PCDHA1: variants seen among roughly 807,000 people sequenced by gnomAD.
PCDHA1 encodes the protein protocadherin alpha-1.
PCDHA1 carries 42 observed loss-of-function variants against 61.3 expected under a neutral mutation model. The ratio of observed to expected loss-of-function variants is 0.69; its 90% confidence interval spans 0.54 to 0.89. The LOEUF (loss-of-function observed/expected upper bound fraction) is 0.89, where lower values mean the gene tolerates loss of function less well. PCDHA1 is among the 40% of genes least tolerant of loss of function. PCDHA1 has a pLI of 0.00. For synonymous variants in PCDHA1, 610 were observed against 553.8 expected, an observed-to-expected ratio of 1.10 and a Z score of -1.43; for missense variants, 1,256 against 1,235.3, an observed-to-expected ratio of 1.02 and a Z score of -0.25.
intron 1 of PCDHA1, among the ~76,000 whole-genome samples, chr5:140,874,267 A>G (rs929129030): frequency 6.6e-6 from 1 of 152,232 alleles, no homozygotes; most frequent in Non-Finnish European, 1.5e-5. Flanking sequence ...TGACTTGAGT[A>G]TTAATAGACT....
intron 1 of PCDHA1, chr5:140,797,305 G>T (rs1554120394): frequency 4.3e-6 from 7 of 1,614,228 alleles, no homozygotes; most frequent in Non-Finnish European, 5.1e-6. Context: ...TCAAGGTCCA[G>T]ACTCCGCAGA....
At chr5:140,928,641 G>A in intron 1 of PCDHA1, 1 of 1,614,196 alleles carries the variant, frequency 6.2e-7, no homozygotes, top group Non-Finnish European at 8.5e-7. Context: ...TCACAAAAGT[G>A]GTAGCAGAGG....
intron 1 of PCDHA1, among the ~76,000 whole-genome samples, chr5:140,839,603 T>TG (rs1554137521): frequency 6.6e-6 from 1 of 152,086 alleles, no homozygotes; most frequent in African/African-American, 2.4e-5. Context: ...TTGCCCAGGC[T>TG]GGTCTCAAAC....
intron 1 of PCDHA1, chr5:140,875,266 A>G (rs1262893019): frequency 8.3e-7 from 1 of 1,202,212 alleles, no homozygotes. Flanking sequence ...ATGTCGCTCT[A>G]CACTCAGAAG....
intron 1 of PCDHA1, chr5:140,868,533 C>T (rs1265642890): frequency 6.6e-6 from 1 of 152,534 alleles, no homozygotes; most frequent in African/African-American, 2.4e-5. Context: ...GAAAGTAAAA[C>T]AATTCAAATT....
At chr5:140,836,625 T>C in intron 1 of PCDHA1, 1 of 1,613,558 alleles carries the variant, frequency 6.2e-7, no homozygotes, top group Non-Finnish European at 8.5e-7. Flanking sequence ...GGTGGGGAGC[T>C]GGTCATTCTC....
At chr5:140,946,631 T>TATATGTATATAC (rs57893927) in intron 1 of PCDHA1, among the ~76,000 whole-genome samples, 2 of 131,846 alleles carry the variant, frequency 1.5e-5, no homozygotes, top group Non-Finnish European at 3.1e-5. Flanking sequence ...TATATATATA[T>TATATGTATATAC]ACAATGGAAT....
intron 1 of PCDHA1, chr5:140,805,635 A>T: frequency 2.3e-6 from 2 of 879,338 alleles, no homozygotes; most frequent in Non-Finnish European, 2.7e-6. Context: ...ATTGTGGTTT[A>T]TTTATTGGGA....
At chr5:140,976,250 A>C (rs1420287471) in intron 1 of PCDHA1, among the ~76,000 whole-genome samples, 1 of 152,144 alleles carries the variant, frequency 6.6e-6, no homozygotes, top group Non-Finnish European at 1.5e-5. Flanking sequence ...ATGTAAATTT[A>C]TTTAAAACAC....
At chr5:140,812,399 G>A (rs1554125980) in intron 1 of PCDHA1, 1 of 151,810 alleles carries the variant, frequency 6.6e-6, no homozygotes, top group African/African-American at 2.4e-5. Flanking sequence ...TAGCTAAGGG[G>A]CTTGTCAGTT....
intron 1 of PCDHA1, chr5:140,821,615 A>C: frequency 2.4e-6 from 2 of 836,314 alleles, no homozygotes; most frequent in Middle Eastern, 3.3e-4. Context: ...CAGTGAGTAG[A>C]TTTTCCTTAG....
chr5:140,863,840 G>T (rs2048198603), intron 1 of PCDHA1: 1 of 181,960 alleles, frequency 5.5e-6, no homozygotes, highest in Admixed American at 5.3e-5. Flanking sequence ...CTCTACTAAA[G>T]ATATAAAAAA....
rs2150159455 is a variant in PCDHA1 at position 140,828,832 on chromosome 5, C to T, written c.2394+40148C>T. 5 of 1,614,118 alleles carry T rather than the reference C, an allele frequency of 3.1e-6. No individual in the cohort carries two copies. The African/African-American group carries it at 5.3e-5, about 17-fold the overall frequency. ...CTCCCACTTTCGAACAGTCTGAATACGAAGTAAGAATATTCGAAAATGCAG... is the reference window on the plus strand; with the variant it reads ...CTCCCACTTTCGAACAGTCTGAATATGAAGTAAGAATATTCGAAAATGCAG... On this transcript the variant is annotated intron_variant, in intron 1 of 3. Transcript: ENST00000504120.
chr5:140,908,834 G>A (rs915665508), intron 1 of PCDHA1, among the ~76,000 whole-genome samples: 64 of 152,226 alleles, frequency 4.2e-4, no homozygotes, highest in African/African-American at 1.4e-3. Flanking sequence ...CGATAAATGG[G>A]CTGGAGTAAC....
At chr5:140,843,076 G>C in intron 1 of PCDHA1, 1 of 1,595,332 alleles carries the variant, frequency 6.3e-7, no homozygotes, top group South Asian at 1.1e-5. Context: ...CGCGGTCTGT[G>C]GGCGCGGGCC....
At chr5:140,901,469 G>A (rs1056054450) in intron 1 of PCDHA1, among the ~76,000 whole-genome samples, 1 of 152,080 alleles carries the variant, frequency 6.6e-6, no homozygotes, top group African/African-American at 2.4e-5. Flanking sequence ...CTTTTCTCGA[G>A]TTTATGTTCT....
At chr5:140,807,030 A>T in intron 1 of PCDHA1, 1 of 890,846 alleles carries the variant, frequency 1.1e-6, no homozygotes, top group Non-Finnish European at 1.7e-6. Context: ...AGAAGGAGGA[A>T]GAAGGGAAAA....
At chr5:140,923,185 A>G (rs536691139) in intron 1 of PCDHA1, among the ~76,000 whole-genome samples, 1 of 152,324 alleles carries the variant, frequency 6.6e-6, no homozygotes, top group East Asian at 1.9e-4. Flanking sequence ...AGATGCATCT[A>G]CTGCAGCAAT....
intron 1 of PCDHA1, chr5:140,825,487 A>G (rs1255011143): frequency 6.6e-6 from 1 of 150,540 alleles, no homozygotes; most frequent in African/African-American, 2.4e-5. Flanking sequence ...TTGTTGCCCA[A>G]ACGAGTGCAA....
Sources: gnomAD v4.1 joint callset for allele counts (sites outside exome capture counted in the v4.1 genomes callset) on GRCh38, gnomAD v4.1.1 for gene constraint, MANE v1.5 for transcripts, NCBI Gene and HGNC (gene_info 2026-07-23, HGNC 2026-07-21) for gene names.